Variants in EHD2 observed in about 807,000 individuals in gnomAD.
EHD2 encodes EH domain-containing protein 2.
A neutral mutation model predicts 41.0 loss-of-function variants in EHD2; 27 were observed. That is an observed-to-expected ratio of 0.66 (90% CI 0.49 to 0.91). EHD2 has a LOEUF of 0.91. Ranked by LOEUF, EHD2 falls within the 40% of genes least tolerant of loss-of-function variation. EHD2 has a pLI of 0.00. For synonymous variants in EHD2, 342 were observed against 341.0 expected (o/e 1.00, Z -0.03); for missense variants, 673 against 773.9 (o/e 0.87, Z 1.55).
rs187651987 is a variant in EHD2, at chr19:47,724,527, A to G, written c.503-1285A>G. Among the ~76,000 whole-genome samples, 4 of 152,300 alleles carry G rather than the reference A, an allele frequency of 2.6e-5. No homozygotes were observed. In the East Asian group the frequency reaches 5.8e-4, roughly 22 times the overall value. On this transcript the variant is annotated intron_variant, in intron 3 of 5. Transcript: ENST00000263277. Reference sequence around the variant, plus strand: ...TCAATCGCTTCTCTCTGCTCTCCTCAGCATTGCTTGTTGGTGAATAAATGA... The same window carrying G: ...TCAATCGCTTCTCTCTGCTCTCCTCGGCATTGCTTGTTGGTGAATAAATGA...
In EHD2 at chr19:47,741,016, G is replaced by A. The variant is rs140382499; in HGVS notation, c.1216G>A (p.Glu406Lys). ...GCGGCAGGAGGAGCTGGAGAGCACC[G>A]AGGTGGGCGTGCAGGGGGGCGCTTT... is the stretch of plus-strand genomic sequence containing the variant. The part of the protein sequence containing the change: ...LLRQEELEST[E>K]VGVQGGAFEG... Residue 406 changes from glutamate to lysine, a missense_variant, in exon 6 of 6, where the codon GAG (glutamate) becomes AAG (lysine). Transcript: ENST00000263277. The surrounding 1 kb of genome is among the most constrained non-coding windows in gnomAD (Gnocchi z 4.5). 54 of 1,610,410 alleles carry A rather than the reference G, an allele frequency of 3.4e-5. No individual in the cohort carries two copies. The highest frequency in any genetic ancestry group is 6.7e-5 in the Admixed American group (4 of 59,892).
Position 47,729,108 on chromosome 19 carries a change from C to T in EHD2, c.915+2884C>T, listed in dbSNP as rs997699158. Among the ~76,000 whole-genome samples the T allele has an allele frequency of 5.3e-5, 8 of 152,148 alleles. 1 individual carries two copies. The highest frequency in any genetic ancestry group is 1.9e-4 in the African/African-American group (8 of 41,430). ...AATGAAGGCAGTTCCAGGGCTCAGT[C>T]CTCACTGGGGCTCCTGGAGAGGAGA... On this transcript the variant is annotated intron_variant, in intron 4 of 5. Coordinates refer to ENST00000263277, the MANE Select transcript of EHD2 (RefSeq NM_014601.4).
chr19:47,737,381 G>T (rs1264160483), intron 5 of EHD2, among the ~76,000 whole-genome samples: 4 of 151,842 alleles, frequency 2.6e-5, no homozygotes, highest in African/African-American at 9.7e-5. Flanking sequence ...ACACAGCTGG[G>T]TGCAGTGGCT....
Position 47,718,504 on chromosome 19 carries a change from C to A in EHD2, c.405-5C>A. 6.4e-7 allele frequency: 1 copy of A among 1,572,952 alleles called. No individual in the cohort carries two copies. The highest frequency in any genetic ancestry group is 8.6e-7 in the Non-Finnish European group (1 of 1,158,450). On this transcript the variant is annotated splice_polypyrimidine_tract_variant and splice_region_variant and intron_variant, in intron 2 of 5. Transcript: ENST00000263277. Reference sequence around the variant, plus strand: ...GTTGACCCCTGACCCTCCCTCTGCCCCCAGGTTCATGTGTGCCCAGCTCCC... The same window carrying A: ...GTTGACCCCTGACCCTCCCTCTGCCACCAGGTTCATGTGTGCCCAGCTCCC...
chr19:47,741,084 CGAG>C lies in EHD2; in HGVS notation c.1286_1288del (p.Glu429del). The C allele has an allele frequency of 6.2e-7, 1 of 1,609,738 alleles. No individual in the cohort carries two copies. Among genetic ancestry groups the C allele is most frequent in the Non-Finnish European group, 8.5e-7 (1 of 1,179,536 alleles). ...GCCCGTTTGTGGAGCGGGGACCTGA[CGAG>C]GCCATGGAGGACGGCGAGGAGGGCT... On this transcript the variant is annotated inframe_deletion, in exon 6 of 6. Coordinates refer to ENST00000263277, the MANE Select transcript of EHD2 (RefSeq NM_014601.4). This position sits in a 1 kb window ranked among gnomAD's most constrained non-coding sequence, Gnocchi z 4.5.
At chr19:47,716,139 A>G (rs906637914) in intron 1 of EHD2, among the ~76,000 whole-genome samples, 2 of 137,918 alleles carry the variant, frequency 1.5e-5, no homozygotes, top group African/African-American at 5.6e-5. Context: ...CGGCATGATC[A>G]TAGCTCACTG....
intron 4 of EHD2, among the ~76,000 whole-genome samples, chr19:47,728,098 A>C (rs1330939929): frequency 6.9e-6 from 1 of 145,750 alleles, no homozygotes; most frequent in African/African-American, 2.6e-5. Flanking sequence ...TCTGTCTCAA[A>C]ATAAAAAAAA....
chr19:47,729,286 G>T (rs1973784100), intron 4 of EHD2, among the ~76,000 whole-genome samples: 1 of 152,094 alleles, frequency 6.6e-6, no homozygotes, highest in Non-Finnish European at 1.5e-5. Context: ...TCAATTAGAG[G>T]CTGAGGATGT....
intron 2 of EHD2, 29 bp downstream of exon 2, chr19:47,717,045 C>A: frequency 6.3e-7 from 1 of 1,597,932 alleles, no homozygotes; most frequent in South Asian, 1.1e-5. Flanking sequence ...CAGGGCGCAT[C>A]TTTCTTTTTC....
rs1966999736 is a variant in EHD2, at chr19:47,742,264, T to C, written c.*832T>C. The C allele has an allele frequency of 3.5e-6, 1 of 285,244 alleles. No individual in the cohort carries two copies. The highest frequency in any genetic ancestry group is 6.7e-6 in the Non-Finnish European group (1 of 148,644). The allele number at this position is 285,244 out of a possible 1,614,324, so 17.7% of individuals were successfully genotyped here. A position where few individuals can be genotyped will look rare whatever the true frequency, so the allele number is the denominator to read the frequency against. ...CCCAGTTCTGTCCACACCCCTTCCC[T>C]TTCCTGTCCTGTCCTTTCTTTCTTT... On this transcript the variant is annotated 3_prime_UTR_variant, in exon 6 of 6. Transcript: ENST00000263277.
chr19:47,733,860 C>G (rs1163262415), intron 4 of EHD2, among the ~76,000 whole-genome samples: 1 of 150,794 alleles, frequency 6.6e-6, no homozygotes, highest in African/African-American at 2.4e-5. Context: ...TAATTTTGAC[C>G]ACAGGAACCC....
intron 4 of EHD2, chr19:47,732,021 T>G (rs1045763444): frequency 6.6e-6 from 1 of 152,036 alleles, no homozygotes; most frequent in African/African-American, 2.4e-5. Flanking sequence ...TCTCCTGACC[T>G]CATGATCCGC....
chr19:47,739,287 T>A (rs1025496268), intron 5 of EHD2, among the ~76,000 whole-genome samples: 1 of 147,760 alleles, frequency 6.8e-6, no homozygotes, highest in Non-Finnish European at 1.5e-5. Flanking sequence ...TTTTTTTTTT[T>A]TTTTTTTTTT....
chr19:47,741,114 G>A lies in EHD2; in HGVS notation c.1314G>A (p.Ser438=), dbSNP rs1046844137. ...CCATGGAGGACGGCGAGGAGGGCTC[G>A]GACGACGAGGCCGAGTGGGTGGTGA... ...DEAMEDGEEG[S]DDEAEWVVTK... is the part of the protein sequence containing the mutation. Residue 438 remains serine, a synonymous_variant, in exon 6 of 6, where the codon TCG becomes TCA. Coordinates refer to ENST00000263277, the MANE Select transcript of EHD2 (RefSeq NM_014601.4). This position sits in a 1 kb window ranked among gnomAD's most constrained non-coding sequence, Gnocchi z 4.5. 9 of 1,610,786 alleles carry A rather than the reference G, an allele frequency of 5.6e-6. No individual in the cohort carries two copies. In the Admixed American group the frequency reaches 8.3e-5, roughly 15 times the overall value.
In EHD2 at chr19:47,719,189, G is replaced by A. The variant is rs1973668871; in HGVS notation, c.502+583G>A. ...CTGGGCAGGCAGGAAGGATGGGAAG[G>A]GAGAGATGAAGAGGGACAGGGATTC... On this transcript the variant is annotated intron_variant, in intron 3 of 5. Coordinates refer to ENST00000263277, the MANE Select transcript of EHD2 (RefSeq NM_014601.4). This position sits in a 1 kb window ranked among gnomAD's most constrained non-coding sequence, Gnocchi z 4.1. 6.6e-6 allele frequency among the ~76,000 whole-genome samples: 1 copy of A among 152,132 alleles called. No homozygotes were observed. The highest frequency in any genetic ancestry group is 1.5e-5 in the Non-Finnish European group (1 of 68,006).
intron 4 of EHD2, among the ~76,000 whole-genome samples, chr19:47,731,067 G>A (rs890068438): frequency 3.3e-5 from 5 of 151,176 alleles, no homozygotes; most frequent in African/African-American, 4.9e-5. Context: ...GGGGTGAGCC[G>A]AGTGGCGATC....
Position 47,726,073 on chromosome 19 carries a change from G to C in EHD2, c.764G>C (p.Gly255Ala). The C allele has an allele frequency of 6.3e-7, 1 of 1,579,004 alleles. No homozygotes were observed. The highest frequency in any genetic ancestry group is 8.6e-7 in the Non-Finnish European group (1 of 1,163,356). The change falls in exon 4 of 6, where the codon GGC becomes GCC. Residue 255 changes from glycine (G) to alanine (A), a missense_variant. Coordinates refer to ENST00000263277, the MANE Select transcript of EHD2 (RefSeq NM_014601.4). ...CCCGAGGTGCTGCGCGTCTACATCG[G>C]CTCCTTCTGGTCCCAGCCCCTCCTC... ...GTPEVLRVYI[G>A]SFWSQPLLVP...
chr19:47,735,774 G>A (rs1418793371), intron 4 of EHD2, among the ~76,000 whole-genome samples: 3 of 152,076 alleles, frequency 2.0e-5, no homozygotes, highest in Admixed American at 6.6e-5. Context: ...GTGTGGTGGC[G>A]CATGCCTGTT....
intron 4 of EHD2, among the ~76,000 whole-genome samples, 187 bp from the exon 5 acceptor site, chr19:47,736,182 C>T (rs1412474984): frequency 6.0e-5 from 9 of 151,090 alleles, no homozygotes; most frequent in African/African-American, 1.7e-4. Flanking sequence ...GGTGACAGAG[C>T]GAGACTCCGT....
Sources: allele counts gnomAD v4.1 joint callset (sites outside exome capture counted in the v4.1 genomes callset), GRCh38; gene constraint gnomAD v4.1.1; non-coding constraint Gnocchi (gnomAD v3.1); transcripts MANE v1.5; gene names NCBI Gene and HGNC (gene_info 2026-07-23, HGNC 2026-07-21).